Variants in TTC39C observed in about 807,000 individuals in gnomAD.
TTC39C encodes tetratricopeptide repeat domain 39C.
Under a neutral mutation model 76.3 loss-of-function variants are expected in TTC39C, and 33 were observed. The observed-to-expected ratio is 0.43, with a 90% CI of 0.33 to 0.58. The LOEUF (loss-of-function observed/expected upper bound fraction) is 0.58. Ranked by LOEUF, TTC39C falls within the 20% of genes least tolerant of loss-of-function variation. The probability of loss-of-function intolerance (pLI) is 0.04; values close to 1 mark genes in which losing one functional copy is unlikely to be tolerated. For synonymous variants in TTC39C, 254 were observed against 260.6 expected (o/e 0.97, Z 0.24); for missense variants, 595 against 701.4 (o/e 0.85, Z 1.71).
intron 1 of TTC39C, among the ~76,000 whole-genome samples, chr18:24,049,289 A>G: frequency 6.6e-6 from 1 of 152,236 alleles, no homozygotes; most frequent in East Asian, 1.9e-4. Flanking sequence ...CATTCAATAA[A>G]TAGTTACATT....
At chr18:23,999,447 C>T (rs1049406790) in intron 1 of TTC39C, among the ~76,000 whole-genome samples, 7 of 152,222 alleles carry the variant, frequency 4.6e-5, no homozygotes, top group Admixed American at 2.0e-4. Context: ...AGGAGCTTAT[C>T]TCCTGACTCT....
rs1312695991 is a variant in TTC39C, at chr18:24,066,139, A to C, written c.344A>C (p.Asn115Thr). 1 of 1,595,766 alleles carries C rather than the reference A, an allele frequency of 6.3e-7. No homozygotes were observed. Among genetic ancestry groups the C allele is most frequent in the African/African-American group, 1.4e-5 (1 of 73,584 alleles). Residue 115 changes from asparagine (N) to threonine (T), a missense_variant and splice_region_variant, in exon 3 of 14, where the codon AAC becomes ACC. Physicochemically the swap from Asn to Thr is moderately conservative, Grantham distance 65. Transcript: ENST00000317571. ...ACAATCAAGAATAAAATTAAGAAGA[A>C]CGTAAGTATTGCGGCTTTAGGTTGT... ...IETIKNKIKK[N>T]VDVRKSAPSM...
chr18:24,090,099 C>T (rs947762687), intron 6 of TTC39C, among the ~76,000 whole-genome samples: 3 of 152,148 alleles, frequency 2.0e-5, no homozygotes, highest in Non-Finnish European at 4.4e-5. Context: ...AGGCAGACTA[C>T]TTAGATTTCC....
chr18:24,073,352 A>G (rs1441660503), intron 4 of TTC39C, among the ~76,000 whole-genome samples: 1 of 151,894 alleles, frequency 6.6e-6, no homozygotes, highest in South Asian at 2.1e-4. Context: ...CCACTACCTC[A>G]TCTAGCTGAG....
At chr18:24,083,201 T>C in intron 6 of TTC39C, 120 bp downstream of exon 6, 1 of 1,076,024 alleles carries the variant, frequency 9.3e-7, no homozygotes, top group South Asian at 2.2e-5. Flanking sequence ...CATTTTGTTC[T>C]TTTGCCTTTC....
At chr18:24,034,960 C>T (rs914995932) in intron 1 of TTC39C, among the ~76,000 whole-genome samples, 5 of 152,136 alleles carry the variant, frequency 3.3e-5, no homozygotes, top group African/African-American at 9.7e-5. Context: ...ATCTGAGCTC[C>T]TGCTTTCAGT....
Position 24,019,824 on chromosome 18 carries a change from C to A in TTC39C, c.167+4786C>A, listed in dbSNP as rs1380455621. Reference sequence around the variant, plus strand: ...GTAGTGTCAGAGACCATATGGCATGCAAAGCCTAAAATATCTACTCTCTGG... The same window carrying A: ...GTAGTGTCAGAGACCATATGGCATGAAAAGCCTAAAATATCTACTCTCTGG... On this transcript the variant is annotated intron_variant, in intron 1 of 13. Transcript: ENST00000317571. The A allele has an allele frequency of 6.0e-6, 9 of 1,508,296 alleles. No individual in the cohort carries two copies. The East Asian group carries it at 2.2e-4, about 37-fold the overall frequency. 93.4% of individuals were successfully genotyped at this position (1,508,296 alleles called of 1,614,324 possible). A position where few individuals can be genotyped will look rare whatever the true frequency, so the allele number is the denominator to read the frequency against.
intron 9 of TTC39C, among the ~76,000 whole-genome samples, chr18:24,124,604 T>G (rs2085023145): frequency 6.6e-6 from 1 of 152,240 alleles, no homozygotes; most frequent in African/African-American, 2.4e-5. Context: ...ATGTAGTGTC[T>G]TATATCCTGA....
At chr18:24,118,678 G>A (rs543215446) in intron 8 of TTC39C, among the ~76,000 whole-genome samples, 1 of 149,578 alleles carries the variant, frequency 6.7e-6, no homozygotes, top group African/African-American at 2.5e-5. Flanking sequence ...TTTGAGTCTG[G>A]GTCTTGCTCT....
intron 6 of TTC39C, among the ~76,000 whole-genome samples, chr18:24,101,710 C>T (rs1049526537): frequency 1.3e-5 from 2 of 152,188 alleles, no homozygotes; most frequent in African/African-American, 4.8e-5. Flanking sequence ...TAGGTCTTCT[C>T]GGCTTTCTAG....
chr18:24,090,242 T>C (rs2084500142), intron 6 of TTC39C, among the ~76,000 whole-genome samples: 1 of 152,198 alleles, frequency 6.6e-6, no homozygotes, highest in Admixed American at 6.5e-5. Context: ...TTTAGCTCCT[T>C]ATTAGATTAT....
At chr18:24,085,229 A>G (rs1038184978) in intron 6 of TTC39C, among the ~76,000 whole-genome samples, 1 of 152,222 alleles carries the variant, frequency 6.6e-6, no homozygotes. Flanking sequence ...AGAAGCCTAA[A>G]GTTTAAAATT....
At chr18:24,059,781 A>C (rs1192686294) in intron 1 of TTC39C, among the ~76,000 whole-genome samples, 1 of 152,174 alleles carries the variant, frequency 6.6e-6, no homozygotes, top group African/African-American at 2.4e-5. Context: ...GCTGCTGATA[A>C]AGATATACCT....
At chr18:24,021,563 C>A (rs551326670) in intron 1 of TTC39C, among the ~76,000 whole-genome samples, 1 of 105,646 alleles carries the variant, frequency 9.5e-6, no homozygotes, top group African/African-American at 4.3e-5. Flanking sequence ...TTTTTTTTTC[C>A]GAGACAGAGT....
intron 1 of TTC39C, among the ~76,000 whole-genome samples, chr18:24,031,396 A>G (rs1477528689): frequency 6.6e-6 from 1 of 152,220 alleles, no homozygotes; most frequent in Non-Finnish European, 1.5e-5. Flanking sequence ...CCCTGTTTTT[A>G]TGCTGAATAG....
At chr18:24,075,325 A>G (rs550714546) in intron 4 of TTC39C, among the ~76,000 whole-genome samples, 4 of 152,022 alleles carry the variant, frequency 2.6e-5, no homozygotes, top group African/African-American at 4.8e-5. Flanking sequence ...CTGTTGGTGA[A>G]GGTTGAAGAT....
At chr18:24,060,299 T>TGATTTGCG (rs1410468271) in intron 1 of TTC39C, among the ~76,000 whole-genome samples, 1 of 150,594 alleles carries the variant, frequency 6.6e-6, no homozygotes, top group African/African-American at 2.4e-5. Context: ...ATTGTGGTTT[T>TGATTTGCG]GATTTGCGTT....
At chr18:24,074,293 G>A (rs1282065380) in intron 4 of TTC39C, among the ~76,000 whole-genome samples, 1 of 152,156 alleles carries the variant, frequency 6.6e-6, no homozygotes, top group Non-Finnish European at 1.5e-5. Context: ...CTGGTAGGAC[G>A]TTTTTGCCTA....
intron 1 of TTC39C, among the ~76,000 whole-genome samples, chr18:24,043,246 C>A (rs1396498134): frequency 6.6e-6 from 1 of 152,070 alleles, no homozygotes; most frequent in Non-Finnish European, 1.5e-5. Context: ...TCTGTAGTCC[C>A]AGCTATTTGG....
Sources: allele counts gnomAD v4.1 joint callset (sites outside exome capture counted in the v4.1 genomes callset), GRCh38; gene constraint gnomAD v4.1.1; transcripts MANE v1.5; gene names NCBI Gene and HGNC (gene_info 2026-07-23, HGNC 2026-07-21).